Variants in NDFIP2 observed in about 807,000 individuals in gnomAD.
NDFIP2 encodes NEDD4 family-interacting protein 2.
A neutral mutation model predicts 36.0 loss-of-function variants in NDFIP2; 19 were observed. The ratio of observed to expected loss-of-function variants is 0.53; its 90% CI spans 0.37 to 0.77. The LOEUF is 0.77. NDFIP2 is among the 30% of genes least tolerant of loss of function. The pLI, the probability that NDFIP2 is intolerant of heterozygous loss-of-function variation, is 0.00. For synonymous variants in NDFIP2, 181 were observed against 167.7 expected (o/e 1.08, Z -0.61); for missense variants, 446 against 435.8 (o/e 1.02, Z -0.21).
intron 1 of NDFIP2, among the ~76,000 whole-genome samples, chr13:79,487,528 C>G (rs1295508492): frequency 1.3e-5 from 2 of 152,034 alleles, no homozygotes; most frequent in Non-Finnish European, 2.9e-5. Context: ...TTGTACAAAT[C>G]TTTTTGTGGA....
chr13:79,523,193 T>A (rs569227073), intron 2 of NDFIP2, among the ~76,000 whole-genome samples: 1 of 152,272 alleles, frequency 6.6e-6, no homozygotes, highest in East Asian at 1.9e-4. Flanking sequence ...TACTGTGTTT[T>A]TTCTATACAT....
At chr13:79,512,852 GC>G (rs1874132390) in intron 1 of NDFIP2, among the ~76,000 whole-genome samples, 1 of 152,154 alleles carries the variant, frequency 6.6e-6, no homozygotes, top group Non-Finnish European at 1.5e-5. Context: ...GACAGAGTAG[GC>G]CCAGTTTGGG....
intron 1 of NDFIP2, among the ~76,000 whole-genome samples, chr13:79,508,016 ATTTG>A (rs983298158): frequency 5.9e-5 from 9 of 152,038 alleles, no homozygotes; most frequent in Non-Finnish European, 8.8e-5. Context: ...GTGAAAATGT[ATTTG>A]TTTTAGTATT....
rs77739741 is a variant in NDFIP2, at chr13:79,482,309, A to G, written c.321+785A>G. ...CTTAACTGTGTAAACTTTGGTAACT[A>G]TGTTGAAAAAAGTGAAATGTGTTCC... is the stretch of plus-strand genomic sequence containing the variant. On this transcript the variant is annotated intron_variant, in intron 1 of 7. Transcript: ENST00000218652. Among the ~76,000 whole-genome samples the G allele has an allele frequency of 4.1e-3, 622 of 151,416 alleles. 7 individuals are homozygous for G. Among genetic ancestry groups the G allele is most frequent in the African/African-American group, 0.015 (599 of 41,248 alleles).
chr13:79,518,387 A>G (rs186780173), intron 1 of NDFIP2, among the ~76,000 whole-genome samples: 2 of 152,280 alleles, frequency 1.3e-5, no homozygotes, highest in East Asian at 1.9e-4. Flanking sequence ...AGGCATGGTT[A>G]TGACAGTTTT....
intron 1 of NDFIP2, among the ~76,000 whole-genome samples, chr13:79,516,322 C>T (rs1172945199): frequency 6.6e-6 from 1 of 152,140 alleles, no homozygotes; most frequent in Non-Finnish European, 1.5e-5. Context: ...GGTGCGATCA[C>T]TGCTCACTGC....
At chr13:79,484,748 A>T (rs1052326009) in intron 1 of NDFIP2, among the ~76,000 whole-genome samples, 3 of 152,218 alleles carry the variant, frequency 2.0e-5, no homozygotes, top group Non-Finnish European at 2.9e-5. Flanking sequence ...GGCTTGAAGG[A>T]GGCCTGACTA....
chr13:79,529,961 G>A (rs1049642723), intron 2 of NDFIP2, among the ~76,000 whole-genome samples: 1 of 152,056 alleles, frequency 6.6e-6, no homozygotes, highest in Non-Finnish European at 1.5e-5. Context: ...TACTCTTAAG[G>A]GTGCAGTAGC....
intron 1 of NDFIP2, among the ~76,000 whole-genome samples, chr13:79,494,057 T>C (rs1179451701): frequency 1.3e-5 from 2 of 152,130 alleles, no homozygotes; most frequent in African/African-American, 2.4e-5. Flanking sequence ...TTACTGTGTA[T>C]TTTTAACATA....
chr13:79,547,797 ACT>A (rs1376049803), intron 5 of NDFIP2, among the ~76,000 whole-genome samples: 2 of 151,816 alleles, frequency 1.3e-5, no homozygotes, highest in Non-Finnish European at 2.9e-5. Context: ...AAATAAAAAG[ACT>A]CTAATGGGGG....
Position 79,533,399 on chromosome 13 carries a change from A to C in NDFIP2, c.564A>C (p.Glu188Asp). The C allele has an allele frequency of 6.2e-7, 1 of 1,612,268 alleles. No individual in the cohort carries two copies. The highest frequency in any genetic ancestry group is 8.5e-7 in the Non-Finnish European group (1 of 1,178,890). Residue 188 changes from glutamate to aspartate, a missense_variant, in exon 3 of 8, where the codon GAA becomes GAC. This residue lies in a region of NDFIP2 where 369 missense variants were observed against 304.8 expected (regional missense o/e 1.21). Coordinates refer to ENST00000218652, the MANE Select transcript of NDFIP2 (RefSeq NM_019080.3). ...SVATSLPTYD[E>D]AEKAKAAAMA... ...CTACCTCTCTTCCTACATACGATGA[A>C]GCTGAGAAGGCTAAAGCTGCTGCAA...
chr13:79,509,676 GATAT>G (rs755208266), intron 1 of NDFIP2, among the ~76,000 whole-genome samples: 1 of 147,754 alleles, frequency 6.8e-6, no homozygotes, highest in Non-Finnish European at 1.5e-5. Context: ...GTATATTATC[GATAT>G]ATATATATAT....
At chr13:79,532,164 T>C (rs1875042022) in intron 2 of NDFIP2, among the ~76,000 whole-genome samples, 1 of 152,192 alleles carries the variant, frequency 6.6e-6, no homozygotes, top group South Asian at 2.1e-4. Context: ...ACATTTGAAA[T>C]ATTGCTAGAA....
At chr13:79,530,571 A>G (rs1874977059) in intron 2 of NDFIP2, among the ~76,000 whole-genome samples, 1 of 152,208 alleles carries the variant, frequency 6.6e-6, no homozygotes, top group Non-Finnish European at 1.5e-5. Flanking sequence ...AATTCTCTCA[A>G]TCCCTGCCAC....
chr13:79,515,860 T>TC, intron 1 of NDFIP2, among the ~76,000 whole-genome samples: 1 of 138,678 alleles, frequency 7.2e-6, no homozygotes, highest in East Asian at 1.9e-4. Flanking sequence ...TCTAATCTGT[T>TC]TTTTTTTTCC....
intron 1 of NDFIP2, among the ~76,000 whole-genome samples, chr13:79,485,854 T>C (rs1226909010): frequency 6.6e-6 from 1 of 152,228 alleles, no homozygotes; most frequent in Non-Finnish European, 1.5e-5. Flanking sequence ...CCTTAAATAT[T>C]GATGCATTAC....
At chr13:79,512,681 CTTTTTT>C (rs973119527) in intron 1 of NDFIP2, among the ~76,000 whole-genome samples, 1 of 151,894 alleles carries the variant, frequency 6.6e-6, no homozygotes, top group African/African-American at 2.4e-5. Context: ...CCAATGAACC[CTTTTTT>C]TTGGTCACAT....
intron 2 of NDFIP2, among the ~76,000 whole-genome samples, chr13:79,532,151 GA>G (rs1875041603): frequency 1.3e-5 from 2 of 152,306 alleles, no homozygotes; most frequent in Non-Finnish European, 2.9e-5. Context: ...AGTGGCACTG[GA>G]AACATTTGAA....
intron 1 of NDFIP2, among the ~76,000 whole-genome samples, chr13:79,515,753 C>T (rs935626257): frequency 6.6e-5 from 10 of 152,062 alleles, no homozygotes; most frequent in Non-Finnish European, 1.5e-5. Flanking sequence ...CTCTTATCAC[C>T]TGCTATTAAT....
Sources: allele counts gnomAD v4.1 joint callset (sites outside exome capture counted in the v4.1 genomes callset), GRCh38; gene constraint gnomAD v4.1.1; regional missense constraint gnomAD v4.1.1; transcripts MANE v1.5; gene names NCBI Gene and HGNC (gene_info 2026-07-23, HGNC 2026-07-21).